EDIL3: variants seen among roughly 807,000 people sequenced by gnomAD.
The protein encoded by EDIL3 is EGF like and discoidin domains 3.
Under a neutral mutation model 67.4 loss-of-function variants are expected in EDIL3, and 37 were observed. That is an observed-to-expected ratio of 0.55 (90% CI 0.42 to 0.72). EDIL3 has a LOEUF of 0.72. Among genes scored for constraint, EDIL3 ranks in the 30% least tolerant of loss-of-function variants. The pLI is 0.00. For missense variants in EDIL3, 527 were observed against 586.3 expected, an observed-to-expected ratio of 0.90 and a Z score of 1.04; for synonymous variants, 195 against 196.3, an observed-to-expected ratio of 0.99 and a Z score of 0.05.
At chr5:84,285,333 A>G (rs1745788781) in intron 1 of EDIL3, among the ~76,000 whole-genome samples, 1 of 152,232 alleles carries the variant, frequency 6.6e-6, no homozygotes, top group South Asian at 2.1e-4. Flanking sequence ...TGTTTGTGTG[A>G]ATGATATTTA....
In EDIL3 at chr5:84,053,491, A is replaced by C. The variant is rs1298424148; in HGVS notation, c.1137+6809T>G. ...AACTGAAGGAGACAGAGACACAAAAAACCCTTCAAAAAATCAATGAATCCA... is the reference window on the plus strand; with the variant it reads ...AACTGAAGGAGACAGAGACACAAAACACCCTTCAAAAAATCAATGAATCCA... On this transcript the variant is annotated intron_variant, in intron 9 of 10. Coordinates refer to ENST00000296591, the MANE Select transcript of EDIL3 (RefSeq NM_005711.5). 7.9e-5 allele frequency among the ~76,000 whole-genome samples: 12 copies of C among 152,358 alleles called. No individual in the cohort carries two copies. The East Asian group carries it at 2.3e-3, about 29-fold the overall frequency.
intron 5 of EDIL3, among the ~76,000 whole-genome samples, chr5:84,107,806 C>A (rs1747490330): frequency 6.7e-6 from 1 of 150,120 alleles, no homozygotes; most frequent in Admixed American, 6.7e-5. Context: ...AAAATTTCAG[C>A]AGAAGGTACA....
chr5:84,347,254 G>A (rs1297283001), intron 1 of EDIL3, among the ~76,000 whole-genome samples: 2 of 152,112 alleles, frequency 1.3e-5, no homozygotes, highest in Non-Finnish European at 2.9e-5. Flanking sequence ...ATGATGCCCT[G>A]TTTGTATCTG....
At chr5:84,208,003 T>C (rs1229694294) in intron 3 of EDIL3, among the ~76,000 whole-genome samples, 3 of 151,788 alleles carry the variant, frequency 2.0e-5, no homozygotes, top group African/African-American at 7.2e-5. Flanking sequence ...ACTTCATGTC[T>C]AAAACACCAA....
rs1441321535 is a variant in EDIL3, at chr5:84,369,446, C to A, written c.67+14862G>T. 1.3e-5 allele frequency among the ~76,000 whole-genome samples: 2 copies of A among 151,936 alleles called. 1 individual carries two copies. The highest frequency in any genetic ancestry group is 4.1e-4 in the South Asian group (2 of 4,822). On this transcript the variant is annotated intron_variant, in intron 1 of 10. Coordinates refer to ENST00000296591, the MANE Select transcript of EDIL3 (RefSeq NM_005711.5). ...TAACGTATGCTACAAAACAAATGAA[C>A]CTTGAAGACATTATGCTAAGTGAAA... is the stretch of plus-strand genomic sequence containing the variant.
At chr5:84,276,132 G>A (rs1580050367) in intron 1 of EDIL3, among the ~76,000 whole-genome samples, 1 of 152,024 alleles carries the variant, frequency 6.6e-6, no homozygotes, top group African/African-American at 2.4e-5. Flanking sequence ...GTCTTTTTGG[G>A]CTGCTCTTTG....
chr5:84,077,557 C>G (rs1746884189), intron 6 of EDIL3, among the ~76,000 whole-genome samples: 1 of 152,116 alleles, frequency 6.6e-6, no homozygotes, highest in African/African-American at 2.4e-5. Flanking sequence ...ATGCAGGGAT[C>G]TGCCCTTTAT....
intron 4 of EDIL3, among the ~76,000 whole-genome samples, chr5:84,162,082 A>G (rs991463622): frequency 1.6e-4 from 25 of 152,096 alleles, no homozygotes; most frequent in African/African-American, 6.0e-4. Context: ...TGTGCCCACT[A>G]GTGACACAGT....
chr5:84,348,350 C>T (rs1747276101), intron 1 of EDIL3, among the ~76,000 whole-genome samples: 1 of 152,058 alleles, frequency 6.6e-6, no homozygotes, highest in Admixed American at 6.6e-5. Flanking sequence ...TGGGCATTAG[C>T]CTGGGCACCC....
chr5:84,309,803 C>T (rs1192552281), intron 1 of EDIL3, among the ~76,000 whole-genome samples: 2 of 152,228 alleles, frequency 1.3e-5, no homozygotes, highest in Middle Eastern at 3.4e-3. Context: ...GCAATAAACA[C>T]GTGTGCATGT....
At chr5:84,059,491 G>C (rs891187907) in intron 9 of EDIL3, among the ~76,000 whole-genome samples, 2 of 152,060 alleles carry the variant, frequency 1.3e-5, no homozygotes, top group Admixed American at 1.3e-4. Flanking sequence ...TTACAGATTT[G>C]GCAAATCTTG....
At chr5:84,165,961 T>C (rs1184603287) in intron 4 of EDIL3, among the ~76,000 whole-genome samples, 1 of 152,138 alleles carries the variant, frequency 6.6e-6, no homozygotes. Flanking sequence ...CATTTAACAA[T>C]AACCCTTTCA....
chr5:84,249,522 CTTGT>C, intron 2 of EDIL3, among the ~76,000 whole-genome samples: 1 of 152,052 alleles, frequency 6.6e-6, no homozygotes, highest in South Asian at 2.1e-4. Context: ...TAAACAGCAA[CTTGT>C]TTATCATTGC....
intron 9 of EDIL3, among the ~76,000 whole-genome samples, chr5:84,048,551 C>CAGACT (rs1746271978): frequency 6.6e-6 from 1 of 152,046 alleles, no homozygotes; most frequent in African/African-American, 2.4e-5. Flanking sequence ...AAATACTATG[C>CAGACT]AGACTACCTT....
intron 9 of EDIL3, among the ~76,000 whole-genome samples, chr5:84,057,365 C>A (rs1746466075): frequency 6.6e-6 from 1 of 151,170 alleles, no homozygotes; most frequent in Non-Finnish European, 1.5e-5. Context: ...GTGGATGTTT[C>A]TAGAGTCTAC....
At chr5:84,360,179 G>C (rs187276770) in intron 1 of EDIL3, among the ~76,000 whole-genome samples, 2 of 152,154 alleles carry the variant, frequency 1.3e-5, no homozygotes, top group Non-Finnish European at 2.9e-5. Flanking sequence ...AAGGAGAGTG[G>C]TTAAAGAAAG....
intron 9 of EDIL3, among the ~76,000 whole-genome samples, chr5:83,987,916 G>GTCTCAACA (rs1035498179): frequency 6.9e-6 from 1 of 145,710 alleles, no homozygotes; most frequent in African/African-American, 2.7e-5. Context: ...ATTTTTAGAA[G>GTCTCAACA]TCTCAACATT....
At chr5:84,001,947 C>A (rs1745338616) in intron 9 of EDIL3, among the ~76,000 whole-genome samples, 1 of 150,748 alleles carries the variant, frequency 6.6e-6, no homozygotes, top group South Asian at 2.1e-4. Context: ...AAAGACACAT[C>A]AAAAAAATAA....
Position 83,963,189 on chromosome 5 carries a change from G to T in EDIL3, c.1293+16C>A. 1.9e-6 allele frequency: 3 copies of T among 1,580,196 alleles called. No individual in the cohort carries two copies. The highest frequency in any genetic ancestry group is 2.6e-6 in the Non-Finnish European group (3 of 1,165,492). Reference sequence around the variant, plus strand: ...CCTCCACTTCTGAACTTTATAAACCGATTTGGCTGACTTACCTTATCTTTT... The same window carrying T: ...CCTCCACTTCTGAACTTTATAAACCTATTTGGCTGACTTACCTTATCTTTT... On this transcript the variant is annotated intron_variant, in intron 10 of 10. Transcript: ENST00000296591.
Sources: allele counts gnomAD v4.1 joint callset (sites outside exome capture counted in the v4.1 genomes callset), GRCh38; gene constraint gnomAD v4.1.1; transcripts MANE v1.5; gene names NCBI Gene and HGNC (gene_info 2026-07-23, HGNC 2026-07-21).